The following HDAC4 variants were observed in gnomAD, a reference collection of about 807,000 sequenced individuals.
The protein encoded by HDAC4 is histone deacetylase 4.
A neutral mutation model predicts 135.1 loss-of-function variants in HDAC4; 16 were observed. The observed-to-expected ratio is 0.12, with a 90% CI of 0.08 to 0.18. The LOEUF (loss-of-function observed/expected upper bound fraction) is 0.18, where lower values mean the gene tolerates loss of function less well. Among genes scored for constraint, HDAC4 ranks in the 10% least tolerant of loss-of-function variants. The pLI is 1.00. For synonymous variants in HDAC4, 685 were observed against 653.4 expected, an observed-to-expected ratio of 1.05 and a Z score of -0.74; for missense variants, 1,143 against 1,511.8, an observed-to-expected ratio of 0.76 and a Z score of 4.05.
chr2:239,325,763 G>A (rs1190262813), intron 2 of HDAC4, among the ~76,000 whole-genome samples: 2 of 151,870 alleles, frequency 1.3e-5, no homozygotes, highest in South Asian at 2.1e-4. Context: ...TCAGGAGTTC[G>A]AGACCAGCCT....
intron 13 of HDAC4, among the ~76,000 whole-genome samples, chr2:239,112,036 C>G (rs887261281): frequency 6.6e-6 from 1 of 152,160 alleles, no homozygotes; most frequent in Non-Finnish European, 1.5e-5. Flanking sequence ...CCCAGGGAGG[C>G]CTGGCCCAGT....
In HDAC4 at chr2:239,091,618, T is replaced by G. The variant is rs149304716; in HGVS notation, c.2281-1502A>C. The stretch of plus-strand genomic sequence containing the variant: ...ACCACCAGGCAGACTTGCCACTTGA[T>G]AGACACCGCTCATTATGTGGGGAGG... On this transcript the variant is annotated intron_variant, in intron 17 of 26. Coordinates refer to ENST00000543185, the MANE Select transcript of HDAC4 (RefSeq NM_001378414.1). The G allele has an allele frequency of 2.5e-3, 376 of 152,328 alleles. 1 individual carries two copies. The highest frequency in any genetic ancestry group is 8.5e-3 in the South Asian group (41 of 4,818). The allele number at this position is 152,328 out of a possible 1,614,324, so 9.4% of individuals were successfully genotyped here. A position where few individuals can be genotyped will look rare whatever the true frequency, so the allele number is the denominator to read the frequency against.
intron 3 of HDAC4, among the ~76,000 whole-genome samples, chr2:239,221,229 T>C (rs2046934390): frequency 6.6e-6 from 1 of 152,090 alleles, no homozygotes; most frequent in South Asian, 2.1e-4. Context: ...GGAGCGGACA[T>C]CGGCCCGTTC....
intron 4 of HDAC4, among the ~76,000 whole-genome samples, chr2:239,179,205 C>G (rs901845602): frequency 6.6e-6 from 1 of 152,226 alleles, no homozygotes; most frequent in Non-Finnish European, 1.5e-5. Flanking sequence ...GCTGGCACAG[C>G]AGGACTGGCG....
At chr2:239,098,919 A>G (rs921904604) in intron 16 of HDAC4, among the ~76,000 whole-genome samples, 2 of 152,256 alleles carry the variant, frequency 1.3e-5, no homozygotes, top group African/African-American at 4.8e-5. Flanking sequence ...AACAGATTTT[A>G]AAGCACAAAG....
At chr2:239,372,867 G>A (rs1245621706) in intron 1 of HDAC4, among the ~76,000 whole-genome samples, 1 of 151,854 alleles carries the variant, frequency 6.6e-6, no homozygotes, top group Non-Finnish European at 1.5e-5. Flanking sequence ...CACACACCAG[G>A]TGGTCACTGC....
chr2:239,292,814 C>T (rs1417906671), intron 2 of HDAC4, among the ~76,000 whole-genome samples: 1 of 152,106 alleles, frequency 6.6e-6, no homozygotes, highest in East Asian at 1.9e-4. Flanking sequence ...GGACCTAGAC[C>T]GTCCTTTTAA....
chr2:239,182,724 G>A (rs1197277980), intron 4 of HDAC4, among the ~76,000 whole-genome samples: 1 of 152,186 alleles, frequency 6.6e-6, no homozygotes, highest in Non-Finnish European at 1.5e-5. Context: ...CATAGCACAA[G>A]CTGAGACGTC....
intron 4 of HDAC4, among the ~76,000 whole-genome samples, chr2:239,183,444 C>G (rs1210633933): frequency 6.6e-6 from 1 of 152,240 alleles, no homozygotes; most frequent in Non-Finnish European, 1.5e-5. Context: ...ACGCCACGGA[C>G]GGTAAGCTGC....
rs1297230649 is a variant in HDAC4 at position 239,308,429 on chromosome 2, C to T, written c.22+44249G>A. Among the ~76,000 whole-genome samples the T allele has an allele frequency of 6.9e-6, 1 of 144,360 alleles. No individual in the cohort carries two copies. The highest frequency in any genetic ancestry group is 1.5e-5 in the Non-Finnish European group (1 of 67,524). 94.7% of individuals were successfully genotyped at this position (144,360 alleles called of 152,430 possible). A position where few individuals can be genotyped will look rare whatever the true frequency, so the allele number is the denominator to read the frequency against. ...TGGGAGTGAGGAGTTCCTTAGCTTC[C>T]TGTTTTCAGAGAGTCTTCTTAGCAA... On this transcript the variant is annotated intron_variant, in intron 2 of 26. Transcript: ENST00000543185. This position sits in a 1 kb window ranked among gnomAD's most constrained non-coding sequence, Gnocchi z 4.2.
At chr2:239,254,755 G>C (rs1288115802) in intron 2 of HDAC4, among the ~76,000 whole-genome samples, 1 of 152,176 alleles carries the variant, frequency 6.6e-6, no homozygotes, top group African/African-American at 2.4e-5. Context: ...GAATATTCCA[G>C]AATTCAGACA....
chr2:239,209,800 CAGA>C (rs1226512695), intron 3 of HDAC4, among the ~76,000 whole-genome samples: 13 of 152,280 alleles, frequency 8.5e-5, no homozygotes, highest in African/African-American at 3.1e-4. Context: ...ATAAAGCCGC[CAGA>C]AGGAGAGAAT....
At chr2:239,371,296 C>T (rs911042435) in intron 1 of HDAC4, among the ~76,000 whole-genome samples, 2 of 152,160 alleles carry the variant, frequency 1.3e-5, no homozygotes, top group Non-Finnish European at 2.9e-5. Flanking sequence ...TCCTTATACA[C>T]TCACACACAC....
intron 11 of HDAC4, among the ~76,000 whole-genome samples, chr2:239,127,530 CTGTCCTGCTCTGTG>C (rs749569505): frequency 6.6e-6 from 1 of 152,238 alleles, no homozygotes; most frequent in Non-Finnish European, 1.5e-5. Flanking sequence ...AACGAACCCT[CTGTCCTGCTCTGTG>C]AATATCTGTT....
intron 1 of HDAC4, among the ~76,000 whole-genome samples, chr2:239,382,131 G>A (rs1393803694): frequency 1.3e-5 from 2 of 152,240 alleles, no homozygotes; most frequent in African/African-American, 4.8e-5. Context: ...CACACCAGCA[G>A]GAGCTGCCTT....
Position 239,240,098 on chromosome 2 carries a change from C to G in HDAC4, c.23-3434G>C, listed in dbSNP as rs1016005533. 2.0e-5 allele frequency among the ~76,000 whole-genome samples: 3 copies of G among 152,256 alleles called. No homozygotes were observed. The highest frequency in any genetic ancestry group is 4.4e-5 in the Non-Finnish European group (3 of 68,048). ...TGGGGCTCAGGGCAGCAGCCATGAT[C>G]GAGAAGCCAAACACTAAAGGCGTTT... On this transcript the variant is annotated intron_variant, in intron 2 of 26. Coordinates refer to ENST00000543185, the MANE Select transcript of HDAC4 (RefSeq NM_001378414.1). This position sits in a 1 kb window ranked among gnomAD's most constrained non-coding sequence, Gnocchi z 4.5.
intron 2 of HDAC4, among the ~76,000 whole-genome samples, chr2:239,335,530 A>AAAC (rs1691880404): frequency 3.7e-5 from 5 of 135,756 alleles, no homozygotes; most frequent in Admixed American, 7.0e-5. Context: ...AAAAAAAAAA[A>AAAC]CACCATTAAG....
chr2:239,079,594 C>T (rs1325595616), intron 22 of HDAC4, among the ~76,000 whole-genome samples: 1 of 152,214 alleles, frequency 6.6e-6, no homozygotes, highest in African/African-American at 2.4e-5. Context: ...ATTCACCGTC[C>T]CCAGAAAGCA....
chr2:239,230,514 G>A (rs908244690), intron 3 of HDAC4, among the ~76,000 whole-genome samples: 1 of 152,094 alleles, frequency 6.6e-6, no homozygotes, highest in Non-Finnish European at 1.5e-5. Flanking sequence ...TCCCTGATCG[G>A]AGGAAAATAA....
Sources: allele counts gnomAD v4.1 joint callset (sites outside exome capture counted in the v4.1 genomes callset), GRCh38; gene constraint gnomAD v4.1.1; non-coding constraint Gnocchi (gnomAD v3.1); transcripts MANE v1.5; gene names NCBI Gene and HGNC (gene_info 2026-07-23, HGNC 2026-07-21).